The following MYH11 variants were observed in gnomAD, a reference collection of about 807,000 sequenced individuals.
The protein encoded by MYH11 is myosin-11.
A neutral mutation model predicts 246.6 loss-of-function variants in MYH11; 80 were observed. That is an observed-to-expected ratio of 0.32 (90% CI 0.27 to 0.39). The LOEUF (loss-of-function observed/expected upper bound fraction) is 0.39, where lower values mean the gene tolerates loss of function less well. MYH11 is among the 10% of genes least tolerant of loss of function. MYH11 has a pLI of 1.00. For synonymous variants in MYH11, 1,071 were observed against 1,015.5 expected, an observed-to-expected ratio of 1.05 and a Z score of -1.04; for missense variants, 2,158 against 2,546.8, an observed-to-expected ratio of 0.85 and a Z score of 3.29.
chr16:15,804,862 T>C (rs902732513), intron 3 of MYH11, among the ~76,000 whole-genome samples: 2 of 152,252 alleles, frequency 1.3e-5, no homozygotes, highest in Non-Finnish European at 2.9e-5. Flanking sequence ...GGCTGAGTCA[T>C]ATCACATTGT....
chr16:15,705,064 C>T (rs893806861), intron 40 of MYH11, among the ~76,000 whole-genome samples: 4 of 152,214 alleles, frequency 2.6e-5, no homozygotes, highest in Non-Finnish European at 5.9e-5. Flanking sequence ...ACTGCAACCT[C>T]TGCCTCCTGA....
At chr16:15,759,141 T>C (rs2068546972) in intron 12 of MYH11, among the ~76,000 whole-genome samples, 1 of 151,048 alleles carries the variant, frequency 6.6e-6, no homozygotes, top group Non-Finnish European at 1.5e-5. Flanking sequence ...TGAGTAAGAG[T>C]CAGTGAGACT....
chr16:15,802,814 T>C (rs1371772576), intron 3 of MYH11, among the ~76,000 whole-genome samples: 3 of 152,130 alleles, frequency 2.0e-5, no homozygotes, highest in African/African-American at 7.2e-5. Flanking sequence ...GATGAGGTCA[T>C]CCTGGCTTGG....
chr16:15,757,707 G>A (rs1188717759), intron 13 of MYH11, 120 bp downstream of exon 13: 11 of 1,272,548 alleles, frequency 8.6e-6, no homozygotes, highest in Non-Finnish European at 1.1e-5. Context: ...AGGACTGGGT[G>A]ATGGATTGGG....
In MYH11 at chr16:15,838,163, C is replaced by A. The variant is rs1204156266; in HGVS notation, c.90G>T (p.Trp30Cys). ...FINSPVAQAD[W>C]AAKRLVWVPS... ...GGACCCAGACGAGTCTCTTGGCGGC[C>A]CAGTCAGCCTGGGCCACTGGGCTGT... The change falls in exon 2 of 41, where the codon TGG (tryptophan) becomes TGT (cysteine). Residue 30 changes from tryptophan to cysteine, a missense_variant. Physicochemically the swap from Trp to Cys is radical, Grantham distance 215 (BLOSUM62 -2). Around this residue, in one of 11 missense-constraint regions of MYH11, gnomAD observed 96 missense variants for 91.9 expected, o/e 1.04. Coordinates refer to ENST00000300036, the MANE Select transcript of MYH11 (RefSeq NM_002474.3). The A allele has an allele frequency of 1.2e-6, 2 of 1,614,092 alleles. No individual in the cohort carries two copies. Among genetic ancestry groups the A allele is most frequent in the Admixed American group, 3.3e-5 (2 of 60,002 alleles).
chr16:15,851,977 C>T (rs1377971524), intron 1 of MYH11, among the ~76,000 whole-genome samples: 2 of 152,142 alleles, frequency 1.3e-5, no homozygotes, highest in Non-Finnish European at 2.9e-5. Flanking sequence ...GTCAGGGGTC[C>T]CCAACCCTTG....
chr16:15,843,232 A>T (rs1464309918), intron 1 of MYH11, among the ~76,000 whole-genome samples: 2 of 151,984 alleles, frequency 1.3e-5, no homozygotes, highest in Non-Finnish European at 2.9e-5. Flanking sequence ...TTAGCTGGGC[A>T]TAGTGGCATG....
At chr16:15,831,496 T>TGTGC (rs1444943493) in intron 2 of MYH11, among the ~76,000 whole-genome samples, 7 of 151,842 alleles carry the variant, frequency 4.6e-5, no homozygotes, top group African/African-American at 1.7e-4. Context: ...TGTGTGTGTG[T>TGTGC]GTACATACAT....
intron 19 of MYH11, among the ~76,000 whole-genome samples, chr16:15,746,607 C>T (rs1322029803): frequency 6.6e-6 from 1 of 152,028 alleles, no homozygotes; most frequent in Non-Finnish European, 1.5e-5. Context: ...AGACAGAGAG[C>T]GACCCCACCT....
intron 1 of MYH11, among the ~76,000 whole-genome samples, chr16:15,850,820 G>A (rs1242259713): frequency 4.6e-5 from 7 of 152,014 alleles, no homozygotes; most frequent in African/African-American, 1.2e-4. Flanking sequence ...GCTTGAGCCT[G>A]GGAGGTAGAG....
intron 40 of MYH11, chr16:15,714,026 C>G (rs1183019667): frequency 6.6e-6 from 1 of 152,260 alleles, no homozygotes; most frequent in East Asian, 1.9e-4. Context: ...ACTGGTTGGC[C>G]CGGTAGAAGC....
intron 26 of MYH11, among the ~76,000 whole-genome samples, chr16:15,733,479 C>G (rs577479313): frequency 6.7e-6 from 1 of 149,498 alleles, no homozygotes; most frequent in Admixed American, 6.7e-5. Flanking sequence ...GTGATCCACC[C>G]GCCTCAGCCT....
chr16:15,835,825 C>T (rs901725904), intron 2 of MYH11, among the ~76,000 whole-genome samples: 1 of 150,472 alleles, frequency 6.6e-6, no homozygotes, highest in South Asian at 2.1e-4. Flanking sequence ...ACAATCATAG[C>T]TCACTGCAGC....
rs2040997545 is a variant in MYH11 at position 15,732,565 on chromosome 16, C to T, written c.3650G>A (p.Arg1217Lys). ...ELTEQLEQFK[R>K]AKANLDKNKQ... is the part of the protein sequence containing the mutation. ...AAAAGCATCACCAAAAAGCATTACC[C>T]TCTTGAACTGCTCAAGCTGCTCTGT... The change falls in exon 27 of 41, where the codon AGG becomes AAG. Residue 1217 changes from arginine (R) to lysine (K), a missense_variant and splice_region_variant. Arg to Lys is a conservative substitution (Grantham distance 26). This residue lies in a region of MYH11 where 1,013 missense variants were observed against 993.5 expected (regional missense o/e 1.02). Coordinates refer to ENST00000300036, the MANE Select transcript of MYH11 (RefSeq NM_002474.3). 1 of 1,614,278 alleles carries T rather than the reference C, an allele frequency of 6.2e-7. No individual in the cohort carries two copies. Among genetic ancestry groups the T allele is most frequent in the Non-Finnish European group, 8.5e-7 (1 of 1,180,054 alleles).
In MYH11 at chr16:15,835,080, C is replaced by CAAA. The variant is rs111629749; in HGVS notation, c.345+2825_345+2827dup. Among the ~76,000 whole-genome samples, 439 of 125,190 alleles carry CAAA rather than the reference C, an allele frequency of 3.5e-3. 2 individuals carry two copies. The highest frequency in any genetic ancestry group is 0.012 in the African/African-American group (405 of 32,970). 82.1% of individuals were successfully genotyped at this position (125,190 alleles called of 152,430 possible). A position where few individuals can be genotyped will look rare whatever the true frequency, so the allele number is the denominator to read the frequency against. On this transcript the variant is annotated intron_variant, in intron 2 of 40. Coordinates refer to ENST00000300036, the MANE Select transcript of MYH11 (RefSeq NM_002474.3). ...TCAAAGACAGAGTAAGCCCCCATCT[C>CAAA]AAAAAAAAAAAAAAAAGTTATGAGT...
chr16:15,721,097 G>A (rs1188446264), intron 32 of MYH11, 46 bp from the exon 33 acceptor site: 36 of 1,601,350 alleles, frequency 2.2e-5, no homozygotes, highest in Non-Finnish European at 2.8e-5. Context: ...TCAACTTCAT[G>A]AAGACGATTG....
At chr16:15,733,646 G>C (rs4781683) in intron 26 of MYH11, among the ~76,000 whole-genome samples, 53,579 of 151,522 alleles carry the variant, frequency 0.35, 9,843 homozygotes, top group East Asian at 0.57. Flanking sequence ...AGGTTCAAGG[G>C]ATTCTCCTGC....
At chr16:15,716,685 C>T (rs1454581569) in intron 38 of MYH11, among the ~76,000 whole-genome samples, 1 of 152,154 alleles carries the variant, frequency 6.6e-6, no homozygotes, top group Non-Finnish European at 1.5e-5. Flanking sequence ...CCACACTCGG[C>T]TAATTTTTGG....
At chr16:15,834,181 CAA>C (rs1437080267) in intron 2 of MYH11, among the ~76,000 whole-genome samples, 1 of 151,984 alleles carries the variant, frequency 6.6e-6, no homozygotes, top group African/African-American at 2.4e-5. Flanking sequence ...ACCTGGGCCC[CAA>C]AGAGTCCAAT....
Sources: gnomAD v4.1 joint callset for allele counts (sites outside exome capture counted in the v4.1 genomes callset) on GRCh38, gnomAD v4.1.1 for gene constraint, gnomAD v4.1.1 regional missense constraint, MANE v1.5 for transcripts, NCBI Gene and HGNC (gene_info 2026-07-23, HGNC 2026-07-21) for gene names.